Variants in ESYT2 observed in about 807,000 individuals in gnomAD.
The protein encoded by ESYT2 is extended synaptotagmin-2.
Under a neutral mutation model 107.2 loss-of-function variants are expected in ESYT2, and 54 were observed. The observed-to-expected ratio is 0.50, with a 90% CI of 0.40 to 0.63. The LOEUF (loss-of-function observed/expected upper bound fraction) is 0.63, where lower values mean the gene tolerates loss of function less well. Ranked by LOEUF, ESYT2 falls within the 30% of genes least tolerant of loss-of-function variation. The pLI, the probability that ESYT2 is intolerant of heterozygous loss-of-function variation, is 0.00. For missense variants in ESYT2, 1,020 were observed against 1,094.5 expected (o/e 0.93, Z 0.96); for synonymous variants, 491 against 434.1 (o/e 1.13, Z -1.63).
intron 16 of ESYT2, among the ~76,000 whole-genome samples, chr7:158,745,638 A>G (rs986839421): frequency 6.6e-6 from 1 of 152,226 alleles, no homozygotes; most frequent in African/African-American, 2.4e-5. Context: ...CATGTCATAC[A>G]AAGTATGTAC....
chr7:158,765,690 G>A (rs997729236), intron 8 of ESYT2, among the ~76,000 whole-genome samples: 11 of 151,658 alleles, frequency 7.3e-5, no homozygotes, highest in Non-Finnish European at 1.5e-4. Context: ...GAGCTGAGAT[G>A]GCGCCACTGC....
In ESYT2 at chr7:158,741,859, TGGTCTGGA is replaced by T. The variant is rs767176057; in HGVS notation, c.1824_1831del (p.Asp610ThrfsTer45). On this transcript the variant is annotated frameshift_variant, in exon 18 of 23. Coordinates refer to ENST00000275418, the MANE Select transcript of ESYT2 (RefSeq NM_001367773.1). Reference sequence around the variant, plus strand: ...ACGTTTGACTTGAGCTGAGTGTTGGTGGTCTGGAGGCCTTTCTCGCTTTTCGAGATGGA... The same window carrying T: ...ACGTTTGACTTGAGCTGAGTGTTGGTGGCCTTTCTCGCTTTTCGAGATGGA... 13 of 1,612,456 alleles carry T rather than the reference TGGTCTGGA, an allele frequency of 8.1e-6. No individual in the cohort carries two copies. Among genetic ancestry groups the T allele is most frequent in the Non-Finnish European group, 9.3e-6 (11 of 1,179,332 alleles).
At chr7:158,742,024 T>A (rs1431338919) in intron 17 of ESYT2, 128 bp from the exon 18 acceptor site, 12 of 1,116,954 alleles carry the variant, frequency 1.1e-5, no homozygotes, top group African/African-American at 1.6e-5. Flanking sequence ...AATTTTTTTT[T>A]AAAGGAAAGT....
intron 6 of ESYT2, among the ~76,000 whole-genome samples, chr7:158,778,156 C>T (rs1273072079): frequency 1.3e-5 from 2 of 152,196 alleles, no homozygotes; most frequent in East Asian, 3.9e-4. Flanking sequence ...ATTGTTTTAT[C>T]CAGGAAGTTT....
At chr7:158,740,576 T>C (rs960865638) in intron 18 of ESYT2, among the ~76,000 whole-genome samples, 1 of 152,204 alleles carries the variant, frequency 6.6e-6, no homozygotes, top group Non-Finnish European at 1.5e-5. Context: ...TGCTCAAGGA[T>C]GGAACACAGA....
chr7:158,772,104 AG>A (rs1244763240), intron 7 of ESYT2, among the ~76,000 whole-genome samples: 1 of 151,998 alleles, frequency 6.6e-6, no homozygotes, highest in African/African-American at 2.4e-5. Flanking sequence ...CCTGGGCAAC[AG>A]AGTGAGATTC....
At position 158,798,052 on chromosome 7, in the gene ESYT2, T is replaced by C. The variant is rs1188640047; in HGVS notation, c.397A>G (p.Ile133Val). 6.2e-7 allele frequency: 1 copy of C among 1,613,984 alleles called. No homozygotes were observed. Residue 133 changes from isoleucine to valine, a missense_variant, in exon 3 of 23, where the codon ATT (isoleucine) becomes GTT (valine). Physicochemically the swap from Ile to Val is conservative, Grantham distance 29. Coordinates refer to ENST00000275418, the MANE Select transcript of ESYT2 (RefSeq NM_001367773.1). ...NKTVKHMWPF[I>V]CQFIEKLFRE... is the part of the protein sequence containing the mutation. ...AACAACTTCTCTATAAATTGGCAAA[T>C]GAAAGGCCACATGTGTTTTACAGTC...
At chr7:158,803,111 G>T (rs995077514) in intron 1 of ESYT2, among the ~76,000 whole-genome samples, 1 of 120,710 alleles carries the variant, frequency 8.3e-6, no homozygotes, top group Non-Finnish European at 1.7e-5. Context: ...CACAGCAATC[G>T]AGAGTGTGCC....
At chr7:158,776,870 T>G (rs2129472699) in intron 6 of ESYT2, among the ~76,000 whole-genome samples, 1 of 151,912 alleles carries the variant, frequency 6.6e-6, no homozygotes, top group Non-Finnish European at 1.5e-5. Flanking sequence ...TTTTTTTTTT[T>G]GAGACAGAGT....
intron 7 of ESYT2, among the ~76,000 whole-genome samples, chr7:158,770,520 T>C (rs778928703): frequency 7.9e-4 from 116 of 146,704 alleles, no homozygotes; most frequent in Non-Finnish European, 1.0e-3. Context: ...TATATATATA[T>C]ATTTTTTTTC....
chr7:158,782,982 T>G (rs1838971713), intron 6 of ESYT2, among the ~76,000 whole-genome samples: 1 of 152,194 alleles, frequency 6.6e-6, no homozygotes, highest in Non-Finnish European at 1.5e-5. Flanking sequence ...AGGCCTGGCT[T>G]TAGAAGGCGC....
In ESYT2 at chr7:158,788,347, G is replaced by A. The variant is rs759971186; in HGVS notation, c.655C>T (p.Gln219Ter). 1 of 1,607,598 alleles carries A rather than the reference G, an allele frequency of 6.2e-7. No individual in the cohort carries two copies. The highest frequency in any genetic ancestry group is 8.5e-7 in the Non-Finnish European group (1 of 1,177,966). ...AAACAAAAAAACAAAAAACTTACCT[G>A]GATACTTTTCACACCAGCTCTACAA... ...YFCRAGVKSIQIHGTMRVILE... is the reference protein window; with the variant it reads ...YFCRAGVKSI The change falls in exon 5 of 23, where the codon CAG (glutamine) becomes TAG (stop). Residue 219 changes from glutamine to a stop codon, truncating the protein, a stop_gained and splice_region_variant. Coordinates refer to ENST00000275418, the MANE Select transcript of ESYT2 (RefSeq NM_001367773.1). LOFTEE classifies it high-confidence loss of function.
intron 8 of ESYT2, among the ~76,000 whole-genome samples, chr7:158,767,424 C>G (rs1670815853): frequency 6.6e-6 from 1 of 152,178 alleles, no homozygotes; most frequent in African/African-American, 2.4e-5. Context: ...AGGAACACAG[C>G]TATGGGGTGA....
Position 158,734,179 on chromosome 7 carries a change from T to G in ESYT2, c.*28A>C, listed in dbSNP as rs769395087. 21 of 1,613,862 alleles carry G rather than the reference T, an allele frequency of 1.3e-5. 1 individual carries two copies. The Admixed American group carries it at 3.2e-4, about 24-fold the overall frequency. ...TCCGGGTAGAGGTGGAGAGCTACGC[T>G]GAAGAGGACGCCTCCTGCCTGCTGC... On this transcript the variant is annotated 3_prime_UTR_variant, in exon 23 of 23. Transcript: ENST00000275418.
chr7:158,804,973 T>C (rs1465172220), intron 1 of ESYT2, among the ~76,000 whole-genome samples: 1 of 152,232 alleles, frequency 6.6e-6, no homozygotes, highest in Non-Finnish European at 1.5e-5. Context: ...CAGATTACGA[T>C]GAGAAAAAGT....
intron 6 of ESYT2, among the ~76,000 whole-genome samples, chr7:158,785,349 C>T (rs1839071108): frequency 6.6e-6 from 1 of 151,944 alleles, no homozygotes; most frequent in East Asian, 1.9e-4. Context: ...CACTTGAACC[C>T]AGGAGGTGGA....
At position 158,825,363 on chromosome 7, in the gene ESYT2, C is replaced by T. The variant is rs192624465; in HGVS notation, c.330+3726G>A. On this transcript the variant is annotated intron_variant, in intron 1 of 22. Transcript: ENST00000275418. ...TCTTCACCCAGGGTAGTCTAATGGTCCAGGGCCCATTACCACAGGGTAGAC... is the reference window on the plus strand; with the variant it reads ...TCTTCACCCAGGGTAGTCTAATGGTTCAGGGCCCATTACCACAGGGTAGAC... 2.0e-5 allele frequency among the ~76,000 whole-genome samples: 3 copies of T among 152,290 alleles called. No homozygotes were observed. In the East Asian group the frequency reaches 5.8e-4, roughly 29 times the overall value.
In ESYT2 at chr7:158,749,705, T is replaced by C; in HGVS notation, c.1501A>G (p.Ser501Gly). 1 of 1,613,992 alleles carries C rather than the reference T, an allele frequency of 6.2e-7. No homozygotes were observed. Among genetic ancestry groups the C allele is most frequent in the South Asian group, 1.1e-5 (1 of 91,052 alleles). ...ATCTGGACAACAGGATTTGGGTTGC[T>C]GCTTATTTTCTTCCCTGACTACCCA... is the stretch of plus-strand genomic sequence containing the variant. ...RALKSGKKIS[S>G]NPNPVVQMSV... The change falls in exon 15 of 23, where the codon AGC (serine) becomes GGC (glycine). Residue 501 changes from serine (S) to glycine (G), a missense_variant. Ser to Gly is a moderately conservative substitution (Grantham distance 56). Transcript: ENST00000275418.
At chr7:158,743,902 A>G (rs71547567) in intron 16 of ESYT2, 87,955 of 424,244 alleles carry the variant, frequency 0.21, 11,195 homozygotes, top group East Asian at 0.55. Context: ...GTGAAACCTC[A>G]TCTCTACTAA....
Sources: allele counts gnomAD v4.1 joint callset (sites outside exome capture counted in the v4.1 genomes callset), GRCh38; gene constraint gnomAD v4.1.1; transcripts MANE v1.5; gene names NCBI Gene and HGNC (gene_info 2026-07-23, HGNC 2026-07-21).